Variants in KIF4A observed in about 807,000 individuals in gnomAD.
KIF4A encodes kinesin family member 4A.
Under a neutral mutation model 105.9 loss-of-function variants are expected in KIF4A, and 7 were observed. That is an observed-to-expected ratio of 0.07 (90% CI 0.04 to 0.12). KIF4A has a LOEUF of 0.12. KIF4A is among the 10% of genes least tolerant of loss of function. KIF4A has a pLI of 1.00. For synonymous variants in KIF4A, 281 were observed against 331.3 expected (o/e 0.85, Z 1.65); for missense variants, 558 against 929.2 (o/e 0.60, Z 5.19).
At chrX:70,401,489 C>T (rs1162826163) in intron 22 of KIF4A, among the ~76,000 whole-genome samples, 1 of 109,206 alleles carries the variant, frequency 9.2e-6, no homozygotes, top group Non-Finnish European at 1.9e-5. Flanking sequence ...CAACCCCCAC[C>T]TCCCGGGTTC....
chrX:70,323,789 C>T (rs2085900425), intron 7 of KIF4A, among the ~76,000 whole-genome samples: 1 of 107,566 alleles, frequency 9.3e-6, no homozygotes, highest in Non-Finnish European at 1.9e-5. Context: ...CTTCAGCTTA[C>T]ATATCATTAA....
chrX:70,368,690 G>A (rs909984362), intron 15 of KIF4A, among the ~76,000 whole-genome samples: 1 of 112,236 alleles, frequency 8.9e-6, no homozygotes, highest in Non-Finnish European at 1.9e-5. Flanking sequence ...AGGCTACTCA[G>A]GGGTCAGGGA....
chrX:70,395,662 C>G lies in KIF4A; in HGVS notation c.2233-9C>G, dbSNP rs1229693299. 10 of 1,211,193 alleles carry G rather than the reference C, an allele frequency of 8.3e-6. No homozygotes were observed. Among genetic ancestry groups the G allele is most frequent in the Non-Finnish European group, 1.0e-5 (9 of 895,257 alleles). ...TCCCTAACACAGACATCACTGATTT[C>G]TCTTCCAGAATTGGCTTGGAAACGA... On this transcript the variant is annotated splice_polypyrimidine_tract_variant and intron_variant, in intron 20 of 30. Transcript: ENST00000374403.
chrX:70,303,479 T>C (rs1328816348), intron 7 of KIF4A, among the ~76,000 whole-genome samples: 1 of 112,173 alleles, frequency 8.9e-6, no homozygotes, highest in Non-Finnish European at 1.9e-5. Flanking sequence ...AAAATATTAA[T>C]TGAGGAATTT....
chrX:70,300,293 AC>A (rs952720162), intron 5 of KIF4A, among the ~76,000 whole-genome samples: 1 of 111,479 alleles, frequency 9.0e-6, no homozygotes, highest in Non-Finnish European at 1.9e-5. Flanking sequence ...TGGACAAAAT[AC>A]ATGCTATTGT....
chrX:70,406,962 T>C lies in KIF4A; in HGVS notation c.3142T>C (p.Ser1048Pro), dbSNP rs971837109. The C allele has an allele frequency of 2.5e-5, 30 of 1,210,073 alleles. No homozygotes were observed. The highest frequency in any genetic ancestry group is 2.8e-5 in the Non-Finnish European group (25 of 895,286). ...GGACATCGAGGATCTAAAATATTGT[T>C]CAGAGCATTCTGTGAATGAGCATGA... is the stretch of plus-strand genomic sequence containing the variant. ...SMDIEDLKYC[S>P]EHSVNEHEDG... The change falls in exon 28 of 31, where the codon TCA becomes CCA. Residue 1048 changes from serine to proline, a missense_variant. Around this residue, in one of 2 missense-constraint regions of KIF4A, gnomAD observed 469 missense variants for 680.4 expected, o/e 0.69. Transcript: ENST00000374403.
intron 13 of KIF4A, among the ~76,000 whole-genome samples, chrX:70,349,555 A>G (rs1218658421): frequency 5.2e-3 from 235 of 45,338 alleles, no homozygotes; most frequent in Admixed American, 7.4e-3. Context: ...GGGCAGAGGC[A>G]CTCCTCAGTT....
intron 20 of KIF4A, 70 bp from the exon 21 acceptor site, chrX:70,395,601 G>A: frequency 8.6e-7 from 1 of 1,168,065 alleles, no homozygotes. Flanking sequence ...AGTTAAGTCT[G>A]GAGCTGAATC....
chrX:70,319,523 G>T (rs2085882832), intron 7 of KIF4A, among the ~76,000 whole-genome samples: 1 of 111,389 alleles, frequency 9.0e-6, no homozygotes, highest in Non-Finnish European at 1.9e-5. Context: ...CATATATTAA[G>T]TGCCCAAATA....
chrX:70,389,239 C>A (rs1310440209), intron 20 of KIF4A, among the ~76,000 whole-genome samples: 1 of 109,730 alleles, frequency 9.1e-6, no homozygotes, highest in African/African-American at 3.3e-5. Context: ...CTGGGTGACA[C>A]AGCAAGATCC....
intron 18 of KIF4A, among the ~76,000 whole-genome samples, chrX:70,382,790 C>CAA (rs752261480): frequency 1.8e-5 from 1 of 54,355 alleles, no homozygotes; most frequent in African/African-American, 6.7e-5. Flanking sequence ...CCATCTCTAA[C>CAA]AAAAAAAAAA....
chrX:70,326,886 TGAA>T (rs1056817899), intron 7 of KIF4A, among the ~76,000 whole-genome samples: 2 of 112,201 alleles, frequency 1.8e-5, no homozygotes, highest in African/African-American at 6.5e-5. Flanking sequence ...AACTCTCATT[TGAA>T]GAAGAAGAAA....
chrX:70,419,465 C>CT (rs1388749808), intron 29 of KIF4A, among the ~76,000 whole-genome samples, 196 bp from the exon 30 acceptor site: 1 of 112,082 alleles, frequency 8.9e-6, no homozygotes, highest in Admixed American at 9.5e-5. Context: ...CAGAGGCCAC[C>CT]TACAGGCATT....
At chrX:70,377,471 G>A (rs764484362) in intron 18 of KIF4A, among the ~76,000 whole-genome samples, 105 of 111,834 alleles carry the variant, frequency 9.4e-4, no homozygotes, top group Non-Finnish European at 1.7e-3. Flanking sequence ...ACATTCATAA[G>A]AGATATTGGT....
At chrX:70,402,785 C>A (rs1221207083) in intron 23 of KIF4A, 90 bp downstream of exon 23, 1 of 1,038,485 alleles carries the variant, frequency 9.6e-7, no homozygotes, top group African/African-American at 1.9e-5. Context: ...GTGTTATTGC[C>A]ACTTTTCATG....
At chrX:70,386,726 C>G (rs762573348) in intron 19 of KIF4A, 25 bp downstream of exon 19, 20 of 1,055,367 alleles carry the variant, frequency 1.9e-5, no homozygotes, top group Non-Finnish European at 2.7e-5. Context: ...TCTGCTAGGT[C>G]AAGTGTATTG....
chrX:70,409,186 A>T (rs190633982), intron 28 of KIF4A, among the ~76,000 whole-genome samples: 263 of 111,533 alleles, frequency 2.4e-3, no homozygotes, highest in Non-Finnish European at 4.1e-3. Context: ...TATAAAGCCA[A>T]ACCAAGGAGG....
chrX:70,317,544 C>CTTTTT (rs34377717), intron 7 of KIF4A, among the ~76,000 whole-genome samples: 4 of 69,398 alleles, frequency 5.8e-5, no homozygotes, highest in Admixed American at 2.1e-4. Flanking sequence ...ATTCCCTTGC[C>CTTTTT]TTTTTTTTTT....
intron 10 of KIF4A, among the ~76,000 whole-genome samples, chrX:70,339,177 G>C (rs186941239): frequency 9.0e-6 from 1 of 110,554 alleles, no homozygotes; most frequent in Non-Finnish European, 1.9e-5. Context: ...TTGGCATTTG[G>C]TATTTATTCT....
Sources: allele counts gnomAD v4.1 joint callset (sites outside exome capture counted in the v4.1 genomes callset), GRCh38; gene constraint gnomAD v4.1.1; regional missense constraint gnomAD v4.1.1; transcripts MANE v1.5; gene names NCBI Gene and HGNC (gene_info 2026-07-23, HGNC 2026-07-21).